Variants in GALNTL6 observed in about 807,000 individuals in gnomAD.
GALNTL6 encodes the protein polypeptide N-acetylgalactosaminyltransferase like 6.
A neutral mutation model predicts 73.7 loss-of-function variants in GALNTL6; 46 were observed. The observed-to-expected ratio is 0.62, with a 90% CI of 0.49 to 0.80. GALNTL6 has a LOEUF of 0.80. Ranked by LOEUF, GALNTL6 falls within the 30% of genes least tolerant of loss-of-function variation. The probability of loss-of-function intolerance (pLI) is 0.00; values close to 1 mark genes in which losing one functional copy is unlikely to be tolerated. For missense variants in GALNTL6, 604 were observed against 755.0 expected, an observed-to-expected ratio of 0.80 and a Z score of 2.34; for synonymous variants, 259 against 263.7, an observed-to-expected ratio of 0.98 and a Z score of 0.17.
At chr4:172,304,438 A>G (rs912515449) in intron 3 of GALNTL6, among the ~76,000 whole-genome samples, 1 of 142,832 alleles carries the variant, frequency 7.0e-6, no homozygotes, top group African/African-American at 2.6e-5. Context: ...AAAAAAAAGC[A>G]AATTTGGGAA....
chr4:172,703,479 AT>A, intron 5 of GALNTL6, among the ~76,000 whole-genome samples: 1 of 152,014 alleles, frequency 6.6e-6, no homozygotes, highest in East Asian at 1.9e-4. Flanking sequence ...CAGTTTGTTG[AT>A]GTAGTGTATC....
chr4:172,181,757 C>T (rs576518041), intron 2 of GALNTL6, among the ~76,000 whole-genome samples: 244 of 142,444 alleles, frequency 1.7e-3, no homozygotes, highest in African/African-American at 5.8e-3. Flanking sequence ...TGCTCTGTAA[C>T]CAAGGCTGGA....
chr4:171,997,557 G>T (rs1026163445), intron 2 of GALNTL6, among the ~76,000 whole-genome samples: 1 of 152,014 alleles, frequency 6.6e-6, no homozygotes, highest in African/African-American at 2.4e-5. Context: ...ATAAAGTGTT[G>T]ACTATCTTGT....
intron 7 of GALNTL6, among the ~76,000 whole-genome samples, chr4:172,845,574 C>T (rs1030899074): frequency 3.3e-5 from 5 of 152,136 alleles, no homozygotes; most frequent in African/African-American, 9.7e-5. Context: ...GCTCTGCCTT[C>T]AAAAATCATT....
intron 7 of GALNTL6, among the ~76,000 whole-genome samples, chr4:172,865,211 G>A (rs1367175423): frequency 6.6e-6 from 1 of 152,220 alleles, no homozygotes; most frequent in East Asian, 1.9e-4. Flanking sequence ...GTGCACTAGT[G>A]CACAATAACT....
At chr4:172,598,135 T>C (rs754545839) in intron 5 of GALNTL6, among the ~76,000 whole-genome samples, 1 of 152,128 alleles carries the variant, frequency 6.6e-6, no homozygotes, top group Non-Finnish European at 1.5e-5. Flanking sequence ...GCACAATATA[T>C]AATTTGATCA....
chr4:172,578,766 G>A (rs943293512), intron 5 of GALNTL6, among the ~76,000 whole-genome samples: 1 of 152,130 alleles, frequency 6.6e-6, no homozygotes, highest in African/African-American at 2.4e-5. Context: ...TTCTCACTTA[G>A]CCAGTATATA....
chr4:172,759,414 A>T (rs1345981506), intron 5 of GALNTL6, among the ~76,000 whole-genome samples: 2 of 152,240 alleles, frequency 1.3e-5, no homozygotes, highest in African/African-American at 2.4e-5. Context: ...CTGGCTTATT[A>T]CCAGTCAGAT....
At chr4:171,899,849 T>C (rs1737028797) in intron 2 of GALNTL6, among the ~76,000 whole-genome samples, 1 of 152,166 alleles carries the variant, frequency 6.6e-6, no homozygotes, top group Admixed American at 6.5e-5. Flanking sequence ...CATATCATTT[T>C]CCATGTAATT....
intron 5 of GALNTL6, among the ~76,000 whole-genome samples, chr4:172,682,868 A>T (rs2043781): frequency 0.095 from 14,500 of 152,176 alleles, 882 homozygotes; most frequent in East Asian, 0.21. Flanking sequence ...TTAGAAAAAA[A>T]AATCTGAGCC....
In GALNTL6 at chr4:172,701,906, G is replaced by A. The variant is rs570035805; in HGVS notation, c.554-107455G>A. ...GAAAACAGTGTTTTAAGAATTAACC[G>A]TTATGATTAATATAAGCCTGAAATA... On this transcript the variant is annotated intron_variant, in intron 5 of 12. Coordinates refer to ENST00000506823, the MANE Select transcript of GALNTL6 (RefSeq NM_001034845.3). 7.2e-5 allele frequency among the ~76,000 whole-genome samples: 11 copies of A among 151,996 alleles called. No individual in the cohort carries two copies. In the South Asian group the frequency reaches 1.5e-3, roughly 20 times the overall value.
intron 2 of GALNTL6, among the ~76,000 whole-genome samples, chr4:171,964,757 T>C (rs1406273708): frequency 6.6e-6 from 1 of 152,248 alleles, no homozygotes; most frequent in East Asian, 1.9e-4. Context: ...GGACTTGTTT[T>C]TCCATCTGCT....
At chr4:172,802,718 G>A (rs1373082662) in intron 5 of GALNTL6, among the ~76,000 whole-genome samples, 2 of 152,120 alleles carry the variant, frequency 1.3e-5, no homozygotes, top group Non-Finnish European at 2.9e-5. Flanking sequence ...CAGGAGAATC[G>A]CTTGAACCTG....
chr4:172,512,933 G>A (rs187304315), intron 5 of GALNTL6, among the ~76,000 whole-genome samples: 16 of 152,000 alleles, frequency 1.1e-4, no homozygotes, highest in Non-Finnish European at 1.6e-4. Context: ...TTGTCTAGTT[G>A]GTTATCTTTT....
rs56179263 is a variant in GALNTL6, at chr4:172,743,955, G to A, written c.554-65406G>A. Among the ~76,000 whole-genome samples the A allele has an allele frequency of 5.3e-3, 803 of 152,192 alleles. 12 individuals are homozygous for A. Among genetic ancestry groups the A allele is most frequent in the African/African-American group, 0.019 (773 of 41,556 alleles). On this transcript the variant is annotated intron_variant, in intron 5 of 12. Transcript: ENST00000506823. ...ACCTTTCATACTTCAGATCTTTTAA[G>A]TGGCATTCATCTTAGCGGTTCCAGA...
intron 5 of GALNTL6, among the ~76,000 whole-genome samples, chr4:172,387,209 T>C (rs1743504923): frequency 6.6e-6 from 1 of 152,156 alleles, no homozygotes; most frequent in Admixed American, 6.6e-5. Flanking sequence ...AAACATGTAA[T>C]TCATAGCACC....
intron 5 of GALNTL6, among the ~76,000 whole-genome samples, chr4:172,436,957 T>A (rs138091422): frequency 0.023 from 3,467 of 152,200 alleles, 61 homozygotes; most frequent in Non-Finnish European, 0.035. Flanking sequence ...TTTTTAAAAC[T>A]TTTTTCAGTA....
At chr4:172,484,706 G>A (rs1050814947) in intron 5 of GALNTL6, among the ~76,000 whole-genome samples, 3 of 152,082 alleles carry the variant, frequency 2.0e-5, no homozygotes, top group Admixed American at 1.3e-4. Flanking sequence ...TTCTCTAAAG[G>A]TTTATTAGTG....
intron 5 of GALNTL6, among the ~76,000 whole-genome samples, chr4:172,742,637 C>G (rs1478985368): frequency 1.3e-5 from 2 of 152,022 alleles, no homozygotes; most frequent in Non-Finnish European, 2.9e-5. Context: ...TTTTCAGAAC[C>G]CATGTATTCT....
Sources: allele counts gnomAD v4.1 joint callset (sites outside exome capture counted in the v4.1 genomes callset), GRCh38; gene constraint gnomAD v4.1.1; transcripts MANE v1.5; gene names NCBI Gene and HGNC (gene_info 2026-07-23, HGNC 2026-07-21).